Variants in LAMA3 observed in about 807,000 individuals in gnomAD.
The protein encoded by LAMA3 is laminin subunit alpha-3.
In LAMA3, 281 loss-of-function variants were observed where a neutral mutation model predicts 402.0. The ratio of observed to expected loss-of-function variants is 0.70; its 90% CI spans 0.63 to 0.77. The LOEUF (loss-of-function observed/expected upper bound fraction) is 0.77, where lower values mean the gene tolerates loss of function less well. Ranked by LOEUF, LAMA3 falls within the 30% of genes least tolerant of loss-of-function variation. The pLI is 0.00. For synonymous variants in LAMA3, 1,431 were observed against 1,558.4 expected (o/e 0.92, Z 1.93); for missense variants, 3,840 against 4,215.5 (o/e 0.91, Z 2.47).
chr18:23,943,460 C>T (rs558575993), intron 68 of LAMA3, among the ~76,000 whole-genome samples: 28 of 152,280 alleles, frequency 1.8e-4, no homozygotes, highest in Admixed American at 1.0e-3. Context: ...TTTACCCTAA[C>T]TTTTTAAAAC....
chr18:23,905,408 T>C, intron 51 of LAMA3, 114 bp from the exon 52 acceptor site: 1 of 687,042 alleles, frequency 1.5e-6, no homozygotes. Flanking sequence ...TATAACTCCT[T>C]CCCCCTTTGA....
chr18:23,754,712 G>T (rs1034713489), intron 6 of LAMA3, among the ~76,000 whole-genome samples: 4 of 152,142 alleles, frequency 2.6e-5, no homozygotes, highest in African/African-American at 9.7e-5. Context: ...CTTAAATGTT[G>T]AGGTTCAGCC....
At chr18:23,885,852 A>T (rs2065056570) in intron 41 of LAMA3, among the ~76,000 whole-genome samples, 1 of 152,222 alleles carries the variant, frequency 6.6e-6, no homozygotes, top group Non-Finnish European at 1.5e-5. Flanking sequence ...TCCTATTCAT[A>T]ATCATTTTGT....
intron 12 of LAMA3, among the ~76,000 whole-genome samples, chr18:23,785,260 A>G (rs749715168): frequency 3.3e-5 from 5 of 152,198 alleles, no homozygotes; most frequent in Non-Finnish European, 5.9e-5. Context: ...GCCCCAACAG[A>G]GTCTGAGAAG....
chr18:23,846,230 G>A, intron 30 of LAMA3, 67 bp from the exon 31 acceptor site: 1 of 1,493,830 alleles, frequency 6.7e-7, no homozygotes, highest in Admixed American at 1.7e-5. Context: ...GGTGGTAAAG[G>A]CAAGGTTGAG....
At chr18:23,711,710 T>C (rs2060993021) in intron 1 of LAMA3, among the ~76,000 whole-genome samples, 1 of 152,170 alleles carries the variant, frequency 6.6e-6, no homozygotes, top group Non-Finnish European at 1.5e-5. Context: ...TCCTCATCTG[T>C]AAAATAGAGG....
intron 2 of LAMA3, among the ~76,000 whole-genome samples, chr18:23,719,669 C>CTTT (rs61144348): frequency 9.6e-5 from 13 of 135,714 alleles, no homozygotes; most frequent in African/African-American, 2.9e-4. Flanking sequence ...ATTCTAGAAT[C>CTTT]TTTTTTTTTT....
At chr18:23,939,917 A>T (rs923633027) in intron 68 of LAMA3, among the ~76,000 whole-genome samples, 4 of 152,224 alleles carry the variant, frequency 2.6e-5, no homozygotes, top group Non-Finnish European at 4.4e-5. Flanking sequence ...AGGTGATTTG[A>T]AGGAGCCATA....
At chr18:23,777,252 TAA>T (rs35550543) in intron 10 of LAMA3, among the ~76,000 whole-genome samples, 1 of 147,982 alleles carries the variant, frequency 6.8e-6, no homozygotes. Context: ...GATTTTATGT[TAA>T]AAAAAAAAAC....
chr18:23,858,680 C>T lies in LAMA3; in HGVS notation c.4282-9C>T, dbSNP rs2064142735. 6.2e-7 allele frequency: 1 copy of T among 1,614,104 alleles called. No individual in the cohort carries two copies. ...ACGTGATCTCTTATTTCATGTTTTG[C>T]TTCAATAGGAAAATGTAGAAGGCAC... On this transcript the variant is annotated splice_polypyrimidine_tract_variant and intron_variant, in intron 33 of 74. Transcript: ENST00000313654.
Position 23,953,049 on chromosome 18 carries a change from G to A in LAMA3, c.9796G>A (p.Gly3266Arg). 1 of 1,614,084 alleles carries A rather than the reference G, an allele frequency of 6.2e-7. No homozygotes were observed. Among genetic ancestry groups the A allele is most frequent in the Non-Finnish European group, 8.5e-7 (1 of 1,179,982 alleles). Residue 3266 changes from glycine (G) to arginine (R), a missense_variant, in exon 74 of 75, where the codon GGA (glycine) becomes AGA (arginine). This residue lies in a region of LAMA3 where 840 missense variants were observed against 981.9 expected (regional missense o/e 0.86). Coordinates refer to ENST00000313654, the MANE Select transcript of LAMA3 (RefSeq NM_198129.4). ...GGACACAGACAGTAGCTACACAGCT[G>A]GACAGATCCCCTTCCCACCTGCCAG... Reference protein sequence around the residue: ...ELDTDSSYTAGQIPFPPASTQ... With the variant: ...ELDTDSSYTARQIPFPPASTQ...
At position 23,857,950 on chromosome 18, in the gene LAMA3, G is replaced by A. The variant is rs144658936; in HGVS notation, c.4243G>A (p.Gly1415Arg). 5.1e-5 allele frequency: 82 copies of A among 1,614,180 alleles called. No homozygotes were observed. The East Asian group carries it at 1.8e-3, about 35-fold the overall frequency. The change falls in exon 33 of 75, where the codon GGA becomes AGA. Residue 1415 changes from glycine to arginine, a missense_variant. This residue lies in a region of LAMA3 where 2,109 missense variants were observed against 2,376.0 expected (regional missense o/e 0.89). Coordinates refer to ENST00000313654, the MANE Select transcript of LAMA3 (RefSeq NM_198129.4). Reference protein sequence around the residue: ...CNCNRDGTEPGVCDPGTGACL... With the variant: ...CNCNRDGTEPRVCDPGTGACL... ...TTGCAACAGAGATGGGACTGAGCCA[G>A]GAGTGTGTGACCCAGGGACCGGGGC...
chr18:23,915,187 A>G, intron 58 of LAMA3, 102 bp from the exon 59 acceptor site: 1 of 1,324,234 alleles, frequency 7.6e-7, no homozygotes, highest in Non-Finnish European at 1.1e-6. Context: ...CACATTCTTA[A>G]TTAACCCTTA....
chr18:23,710,532 C>T (rs2060972576), intron 1 of LAMA3, among the ~76,000 whole-genome samples: 1 of 152,122 alleles, frequency 6.6e-6, no homozygotes, highest in South Asian at 2.1e-4. Flanking sequence ...AAGAAGGCTG[C>T]AAAGAGTTTT....
At chr18:23,837,347 T>C in intron 25 of LAMA3, 1 of 450,468 alleles carries the variant, frequency 2.2e-6, no homozygotes, top group Non-Finnish European at 4.1e-6. Context: ...TATTCATTTC[T>C]ACTATTATAA....
chr18:23,716,871 A>C lies in LAMA3; in HGVS notation c.447+2799A>C, dbSNP rs183590869. ...TCCCTGCCTCAGTTTCCTCATTTAT[A>C]AAATGAGATAATTGTGCATCCCTCA... On this transcript the variant is annotated intron_variant, in intron 2 of 74. Transcript: ENST00000313654. Among the ~76,000 whole-genome samples the C allele has an allele frequency of 2.6e-5, 4 of 152,370 alleles. No homozygotes were observed. The East Asian group carries it at 7.7e-4, about 29-fold the overall frequency.
chr18:23,767,441 A>G (rs369809550), intron 8 of LAMA3, among the ~76,000 whole-genome samples: 1 of 152,228 alleles, frequency 6.6e-6, no homozygotes, highest in Non-Finnish European at 1.5e-5. Context: ...AGCCAGAGGC[A>G]TAACATTACC....
chr18:23,790,552 A>G (rs1336301529), intron 12 of LAMA3, among the ~76,000 whole-genome samples: 1 of 152,184 alleles, frequency 6.6e-6, no homozygotes, highest in African/African-American at 2.4e-5. Flanking sequence ...GTAGTTTGCC[A>G]CTTTTCTTTT....
At chr18:23,743,754 A>G (rs1240175769) in intron 2 of LAMA3, among the ~76,000 whole-genome samples, 2 of 152,218 alleles carry the variant, frequency 1.3e-5, no homozygotes, top group African/African-American at 4.8e-5. Flanking sequence ...ACTTCAAGCT[A>G]TCTTTAGCTT....
Sources: gnomAD v4.1 joint callset for allele counts (sites outside exome capture counted in the v4.1 genomes callset) on GRCh38, gnomAD v4.1.1 for gene constraint, gnomAD v4.1.1 regional missense constraint, MANE v1.5 for transcripts, NCBI Gene and HGNC (gene_info 2026-07-23, HGNC 2026-07-21) for gene names.